MACF1: variants seen among roughly 807,000 people sequenced by gnomAD.
The protein encoded by MACF1 is microtubule-actin cross-linking factor 1.
In MACF1, 193 loss-of-function variants were observed where a neutral mutation model predicts 854.8. The observed-to-expected ratio is 0.23, with a 90% confidence interval of 0.20 to 0.25. The LOEUF is 0.25. MACF1 is among the 10% of genes least tolerant of loss of function. MACF1 has a pLI of 1.00. For missense variants in MACF1, 7,722 were observed against 8,929.1 expected (o/e 0.86, Z 5.45); for synonymous variants, 3,185 against 3,226.7 (o/e 0.99, Z 0.44).
chr1:39,323,348 A>G (rs1381838863), intron 33 of MACF1, among the ~76,000 whole-genome samples: 1 of 152,008 alleles, frequency 6.6e-6, no homozygotes, highest in Non-Finnish European at 1.5e-5. Flanking sequence ...AAAGCCCAAA[A>G]TATCCCACAT....
intron 62 of MACF1, 81 bp downstream of exon 62, chr1:39,427,695 A>G: frequency 7.2e-7 from 1 of 1,395,588 alleles, no homozygotes; most frequent in South Asian, 1.3e-5. Flanking sequence ...GCAGCATTCT[A>G]GAGGATGTGT....
At chr1:39,444,600 C>T (rs1644186698) in intron 79 of MACF1, 62 bp from the exon 80 acceptor site, 1 of 1,440,542 alleles carries the variant, frequency 6.9e-7, no homozygotes, top group Non-Finnish European at 9.5e-7. Flanking sequence ...GCTACAGAAT[C>T]TATATGTAGG....
intron 2 of MACF1, among the ~76,000 whole-genome samples, chr1:39,176,397 G>T (rs986750585): frequency 6.6e-6 from 1 of 151,826 alleles, no homozygotes; most frequent in African/African-American, 2.4e-5. Context: ...AGTCATTTTC[G>T]TTATTCAAAA....
At chr1:39,271,013 GT>G (rs1457843511) in intron 6 of MACF1, among the ~76,000 whole-genome samples, 1 of 152,184 alleles carries the variant, frequency 6.6e-6, no homozygotes, top group Non-Finnish European at 1.5e-5. Context: ...TGGGCAAGAG[GT>G]TTCTTGGGCC....
intron 5 of MACF1, chr1:39,254,610 T>A: frequency 2.3e-6 from 1 of 443,864 alleles, no homozygotes; most frequent in South Asian, 4.4e-5. Flanking sequence ...AAGAACATGA[T>A]GATAAAGATG....
chr1:39,465,825 C>T (rs1333668764), intron 95 of MACF1, among the ~76,000 whole-genome samples: 1 of 152,186 alleles, frequency 6.6e-6, no homozygotes, highest in Non-Finnish European at 1.5e-5. Flanking sequence ...TTCAGGCCCT[C>T]AAACATCCCA....
At chr1:39,381,066 T>A (rs1650145690) in intron 55 of MACF1, among the ~76,000 whole-genome samples, 1 of 150,872 alleles carries the variant, frequency 6.6e-6, no homozygotes, top group African/African-American at 2.4e-5. Context: ...TTTAATTAAA[T>A]TTTTTTTTTG....
At chr1:39,185,639 C>T (rs12087703) in intron 2 of MACF1, among the ~76,000 whole-genome samples, 3 of 152,042 alleles carry the variant, frequency 2.0e-5, no homozygotes, top group African/African-American at 7.3e-5. Flanking sequence ...TTAATTGTTA[C>T]GTTCTTCTGG....
intron 34 of MACF1, 136 bp downstream of exon 34, chr1:39,324,481 C>G (rs1646572586): frequency 1.6e-6 from 2 of 1,215,482 alleles, no homozygotes; most frequent in Admixed American, 2.6e-5. Flanking sequence ...ACTTAAGAAG[C>G]CATCTTGTTT....
At chr1:39,259,153 A>T (rs529289442) in intron 6 of MACF1, among the ~76,000 whole-genome samples, 1 of 152,274 alleles carries the variant, frequency 6.6e-6, no homozygotes, top group African/African-American at 2.4e-5. Context: ...GCTTTTAGAG[A>T]AATTTGTTTG....
chr1:39,460,633 T>C lies in MACF1; in HGVS notation c.21362T>C (p.Leu7121Ser). The C allele has an allele frequency of 6.2e-7, 1 of 1,614,160 alleles. No individual in the cohort carries two copies. The highest frequency in any genetic ancestry group is 1.3e-5 in the African/African-American group (1 of 75,052). ...TTGACACTTCTGATTTCTGTGTAGTTGAAAGAATTTGCCAACTTTGACTTT... is the reference window on the plus strand; with the variant it reads ...TTGACACTTCTGATTTCTGTGTAGTCGAAAGAATTTGCCAACTTTGACTTT... ...LNDALDRLEE[L>S]KEFANFDFDV... The change falls in exon 92 of 101, where the codon TTG becomes TCG. Residue 7121 changes from leucine to serine, a missense_variant and splice_region_variant. By Grantham distance (145) the Leu-to-Ser change is moderately radical. Around this residue, in one of 15 missense-constraint regions of MACF1, gnomAD observed 729 missense variants for 900.5 expected, o/e 0.81. Coordinates refer to ENST00000564288, the MANE Select transcript of MACF1 (RefSeq NM_001394062.1). This position sits in a 1 kb window ranked among gnomAD's most constrained non-coding sequence, Gnocchi z 4.1.
At position 39,105,644 on chromosome 1, in the gene MACF1, T is replaced by G. The variant is rs1391300208; in HGVS notation, c.220+21206T>G. ...CGGCCATGGCCGGCTACGTGCCGGG[T>G]CAGCAGCCGGCCAACCGCAGCCAGG... On this transcript the variant is annotated intron_variant, in intron 2 of 93. Coordinates refer to the MACF1 transcript ENST00000361689. The surrounding 1 kb of genome is among the most constrained non-coding windows in gnomAD (Gnocchi z 5.9). 1.6e-6 allele frequency: 2 copies of G among 1,233,272 alleles called. No homozygotes were observed. Among genetic ancestry groups the G allele is most frequent in the African/African-American group, 1.6e-5 (1 of 60,688 alleles). 76.4% of individuals were successfully genotyped at this position (1,233,272 alleles called of 1,614,324 possible).
At chr1:39,269,725 G>T in intron 6 of MACF1, 1 of 1,286,714 alleles carries the variant, frequency 7.8e-7, no homozygotes, top group Non-Finnish European at 1.0e-6. Context: ...GAAGAGGTAG[G>T]TGGGCATGTT....
At chr1:39,185,491 G>A (rs1477112522) in intron 2 of MACF1, among the ~76,000 whole-genome samples, 1 of 150,982 alleles carries the variant, frequency 6.6e-6, no homozygotes, top group African/African-American at 2.4e-5. Flanking sequence ...CAGCATAGAG[G>A]CCCAGTTTCT....
At chr1:39,461,324 T>C (rs985843176) in intron 92 of MACF1, among the ~76,000 whole-genome samples, 24 of 152,162 alleles carry the variant, frequency 1.6e-4, no homozygotes, top group Non-Finnish European at 1.8e-4. Flanking sequence ...ATGAGTATAT[T>C]CTTGAGTTGA....
intron 85 of MACF1, 121 bp from the exon 86 acceptor site, chr1:39,452,035 G>A: frequency 4.7e-6 from 4 of 845,840 alleles, no homozygotes; most frequent in Non-Finnish European, 5.5e-6. Context: ...GCATTGCTCT[G>A]CCTCCCTCTA....
At position 39,447,750 on chromosome 1, in the gene MACF1, G is replaced by T; in HGVS notation, c.19820G>T (p.Gly6607Val). Reference protein sequence around the residue: ...RDQIIELDQTGNQLKFLSQKQ... With the variant: ...RDQIIELDQTVNQLKFLSQKQ... ...CAGATCATTGAGCTGGATCAAACTG[G>T]GAATCAATTAAAGTTCCTTAGCCAA... The change falls in exon 82 of 101, where the codon GGG becomes GTG. Residue 6607 changes from glycine (G) to valine (V), a missense_variant. Coordinates refer to ENST00000564288, the MANE Select transcript of MACF1 (RefSeq NM_001394062.1). 1 of 1,613,952 alleles carries T rather than the reference G, an allele frequency of 6.2e-7. No homozygotes were observed. The highest frequency in any genetic ancestry group is 8.5e-7 in the Non-Finnish European group (1 of 1,180,002).
chr1:39,463,910 G>C (rs783819), intron 94 of MACF1: 19 of 419,458 alleles, frequency 4.5e-5, no homozygotes, highest in Non-Finnish European at 5.8e-5. Context: ...TTTTAAGATA[G>C]GAGATATTTC....
In MACF1 at chr1:39,387,609, A is replaced by G; in HGVS notation, c.14767A>G (p.Lys4923Glu). 1 of 1,614,208 alleles carries G rather than the reference A, an allele frequency of 6.2e-7. No homozygotes were observed. Among genetic ancestry groups the G allele is most frequent in the Non-Finnish European group, 8.5e-7 (1 of 1,180,048 alleles). The part of the protein sequence containing the change: ...EDLVPWIEDC[K>E]AKMSELRVTL... ...CCTTGTGCCATGGATAGAAGATTGT[A>G]AAGCTAAGATGTCTGAGTTGCGAGT... Residue 4923 changes from lysine (K) to glutamate (E), a missense_variant, in exon 58 of 101, where the codon AAA (lysine) becomes GAA (glutamate). Coordinates refer to ENST00000564288, the MANE Select transcript of MACF1 (RefSeq NM_001394062.1).
Sources: allele counts gnomAD v4.1 joint callset (sites outside exome capture counted in the v4.1 genomes callset), GRCh38; gene constraint gnomAD v4.1.1; regional missense constraint gnomAD v4.1.1; non-coding constraint Gnocchi (gnomAD v3.1); transcripts MANE v1.5; gene names NCBI Gene and HGNC (gene_info 2026-07-23, HGNC 2026-07-21).